The following ARHGDIG variants were observed in gnomAD, a reference collection of about 807,000 sequenced individuals.
ARHGDIG encodes Rho GDP dissociation inhibitor gamma.
A neutral mutation model predicts 20.2 loss-of-function variants in ARHGDIG; 14 were observed. That is an observed-to-expected ratio of 0.69 (90% CI 0.46 to 1.08). The LOEUF (loss-of-function observed/expected upper bound fraction) is 1.08. Ranked by LOEUF, ARHGDIG falls within the 50% of genes least tolerant of loss-of-function variation. ARHGDIG has a pLI of 0.00. For missense variants in ARHGDIG, 311 were observed against 301.8 expected (o/e 1.03, Z -0.23); for synonymous variants, 193 against 138.6 (o/e 1.39, Z -2.76).
chr16:281,391 G>A, intron 1 of ARHGDIG: 1 of 216,146 alleles, frequency 4.6e-6, no homozygotes, highest in Non-Finnish European at 9.2e-6. Context: ...TTTGGGGGCC[G>A]CCGAGGGCCG....
At position 282,277 on chromosome 16, in the gene ARHGDIG, A is replaced by G; in HGVS notation, c.338-20A>G. 6.2e-7 allele frequency: 1 copy of G among 1,613,102 alleles called. No individual in the cohort carries two copies. Among genetic ancestry groups the G allele is most frequent in the Non-Finnish European group, 8.5e-7 (1 of 1,179,870 alleles). The stretch of plus-strand genomic sequence containing the variant: ...CAGCCTGTAGGGGAGTTCCGACCCT[A>G]GCTGAGGTTTCCCCAATAGGGGACC... On this transcript the variant is annotated intron_variant, in intron 3 of 5. Coordinates refer to ENST00000219409, the MANE Select transcript of ARHGDIG (RefSeq NM_001176.4).
chr16:282,526 G>A lies in ARHGDIG; in HGVS notation c.474G>A (p.Leu158=), dbSNP rs1158892498. 1.2e-6 allele frequency: 2 copies of A among 1,600,140 alleles called. No individual in the cohort carries two copies. The highest frequency in any genetic ancestry group is 2.2e-5 in the South Asian group (2 of 89,754). ...TGCACCACACCTACCGCCGGGGCCT[G>A]CGCGGTGAGGGCAGCGGTGGGGGGA... ...KCLHHTYRRG[L]RVDKTVYMVG... The change falls in exon 5 of 6, where the codon CTG becomes CTA. Residue 158 remains leucine (L), a synonymous_variant. Coordinates refer to ENST00000219409, the MANE Select transcript of ARHGDIG (RefSeq NM_001176.4).
Position 282,388 on chromosome 16 carries a change from A to G in ARHGDIG, c.414+15A>G. 1.2e-6 allele frequency: 2 copies of G among 1,612,006 alleles called. No homozygotes were observed. The highest frequency in any genetic ancestry group is 8.5e-7 in the Non-Finnish European group (1 of 1,179,714). On this transcript the variant is annotated intron_variant, in intron 4 of 5. Coordinates refer to ENST00000219409, the MANE Select transcript of ARHGDIG (RefSeq NM_001176.4). ...TCTCCTTCAAGGTGAGAGCCGGGGC[A>G]ATGGGCGGAGGGGATGGGGGTGGGG... is the stretch of plus-strand genomic sequence containing the variant.
At chr16:282,143 A>G (rs777925710) in intron 3 of ARHGDIG, 35 bp downstream of exon 3, 1 of 1,611,952 alleles carries the variant, frequency 6.2e-7, no homozygotes, top group Non-Finnish European at 8.5e-7. Flanking sequence ...GAACACAGGT[A>G]GGGCCCTCCC....
chr16:282,558 C>CGGGGGGGGGGGAGGGGG, intron 5 of ARHGDIG, 28 bp downstream of exon 5: 1 of 1,310,078 alleles, frequency 7.6e-7, no homozygotes, highest in Admixed American at 2.5e-5. Flanking sequence ...GGGAACGGGG[C>CGGGGGGGGGGGAGGGGG]GGGGGGGGGA....
At chr16:282,567 G>GGGGGGA in intron 5 of ARHGDIG, 37 bp downstream of exon 5, 7 of 957,426 alleles carry the variant, frequency 7.3e-6, no homozygotes, top group Admixed American at 4.8e-5. Flanking sequence ...GCGGGGGGGG[G>GGGGGGA]AAGCGGGGGC....
Position 282,320 on chromosome 16 carries a change from C to T in ARHGDIG, c.361C>T (p.Gln121Ter). The change falls in exon 4 of 6, where the codon CAG becomes TAG. Residue 121 changes from glutamine to a stop codon, truncating the protein, a stop_gained. Transcript: ENST00000219409. LOFTEE classifies it high-confidence loss of function. ...AGGGGACCTGGCTGTTCTGAAGGACCAGGTGTTTGTCCTGAAGGAAGGTGT... is the reference window on the plus strand; with the variant it reads ...AGGGGACCTGGCTGTTCTGAAGGACTAGGTGTTTGTCCTGAAGGAAGGTGT... ...LTGDLAVLKD[Q>*]VFVLKEGVDY... The T allele has an allele frequency of 1.9e-6, 3 of 1,613,176 alleles. No individual in the cohort carries two copies. The highest frequency in any genetic ancestry group is 2.5e-6 in the Non-Finnish European group (3 of 1,179,930).
At position 281,727 on chromosome 16, in the gene ARHGDIG, C is replaced by T. The variant is rs774145624; in HGVS notation, c.74-19C>T. 1.5e-5 allele frequency: 23 copies of T among 1,554,182 alleles called. No individual in the cohort carries two copies. The South Asian group carries it at 2.0e-4, about 13-fold the overall frequency. ...AGGGTCCGCTAGTGGCTGCTGCTCA[C>T]GCCCCTCCCCACCCCCAGTCCTCCT... On this transcript the variant is annotated intron_variant, in intron 1 of 5. Coordinates refer to ENST00000219409, the MANE Select transcript of ARHGDIG (RefSeq NM_001176.4).
intron 1 of ARHGDIG, 52 bp from the exon 2 acceptor site, chr16:281,694 C>G (rs535922142): frequency 2.7e-6 from 4 of 1,501,366 alleles, no homozygotes; most frequent in East Asian, 4.9e-5. Context: ...GCCTGGTGCT[C>G]GAATGCCAGG....
In ARHGDIG at chr16:280,938, G is replaced by A. The variant is rs2052276603; in HGVS notation, c.73+185G>A. On this transcript the variant is annotated intron_variant, in intron 1 of 5. Transcript: ENST00000219409. The surrounding 1 kb of genome is among the most constrained non-coding windows in gnomAD (Gnocchi z 6.6). Reference sequence around the variant, plus strand: ...GCCCTGTGGGGAAGGGACCAGGTGCGGACGGGTCGGCTTGGGAAGCGGCGG... The same window carrying A: ...GCCCTGTGGGGAAGGGACCAGGTGCAGACGGGTCGGCTTGGGAAGCGGCGG... The A allele has an allele frequency of 1.1e-5, 3 of 276,294 alleles. No homozygotes were observed. Among genetic ancestry groups the A allele is most frequent in the African/African-American group, 2.3e-5 (1 of 43,884 alleles). 17.1% of individuals were successfully genotyped at this position (276,294 alleles called of 1,614,324 possible).
intron 1 of ARHGDIG, 109 bp from the exon 2 acceptor site, chr16:281,637 G>A: frequency 7.8e-7 from 1 of 1,283,446 alleles, no homozygotes. Context: ...GGCTTCCCTT[G>A]AGTCCCTTTG....
intron 3 of ARHGDIG, 85 bp from the exon 4 acceptor site, chr16:282,212 T>C: frequency 1.2e-6 from 2 of 1,605,072 alleles, no homozygotes; most frequent in Non-Finnish European, 1.7e-6. Context: ...GCACACCTCA[T>C]GGGTACCACA....
At chr16:282,183 G>T in intron 3 of ARHGDIG, 75 bp downstream of exon 3, 2 of 1,606,810 alleles carry the variant, frequency 1.2e-6, no homozygotes, top group Non-Finnish European at 1.7e-6. Context: ...TGAGTTCCGA[G>T]CCCTGGGCCA....
chr16:282,035 G>A lies in ARHGDIG; in HGVS notation c.264G>A (p.Leu88=). ...CCAGTTTCTCCTCAGACCCAAGCCTGCCCAATGTGCAGGTGACCAGGCTGA... is the reference window on the plus strand; with the variant it reads ...CCAGTTTCTCCTCAGACCCAAGCCTACCCAATGTGCAGGTGACCAGGCTGA... The part of the protein sequence containing the change: ...GPLPPAVDPS[L]PNVQVTRLTL... Residue 88 remains leucine, a synonymous_variant, in exon 3 of 6, where the codon CTG becomes CTA. Coordinates refer to ENST00000219409, the MANE Select transcript of ARHGDIG (RefSeq NM_001176.4). 1 of 1,612,574 alleles carries A rather than the reference G, an allele frequency of 6.2e-7. No homozygotes were observed. The highest frequency in any genetic ancestry group is 8.5e-7 in the Non-Finnish European group (1 of 1,179,908).
chr16:282,694 G>A lies in ARHGDIG; in HGVS notation c.558G>A (p.Ala186=), dbSNP rs761391370. 2.6e-5 allele frequency: 41 copies of A among 1,601,644 alleles called. No individual in the cohort carries two copies. The East Asian group carries it at 3.8e-4, about 15-fold the overall frequency. ...AGTTTGTGACTCCGGTGGAGGAAGC[G>A]CCGAGGGGTGCGCTGGTGCGGGGCC... ...EYEFVTPVEE[A]PRGALVRGPY... The change falls in exon 6 of 6, where the codon GCG becomes GCA. Residue 186 remains alanine (A), a synonymous_variant. Transcript: ENST00000219409.
rs2052273466 is a variant in ARHGDIG, at chr16:280,656, C to T, written c.-25C>T. 2.4e-6 allele frequency: 2 copies of T among 848,404 alleles called. No homozygotes were observed. Among genetic ancestry groups the T allele is most frequent in the Admixed American group, 6.0e-4 (1 of 1,676 alleles). 52.6% of individuals were successfully genotyped at this position (848,404 alleles called of 1,614,324 possible). On this transcript the variant is annotated 5_prime_UTR_variant, in exon 1 of 6. Coordinates refer to ENST00000219409, the MANE Select transcript of ARHGDIG (RefSeq NM_001176.4). This position sits in a 1 kb window ranked among gnomAD's most constrained non-coding sequence, Gnocchi z 6.6. ...GCGGGCGGCGGCTCCTCGGCGGCTC[C>T]GCGGCGCCCGGGCCGCGCGCCGCCA...
rs1197049666 is a variant in ARHGDIG at position 281,473 on chromosome 16, C to T, written c.74-273C>T. The T allele has an allele frequency of 3.2e-5, 14 of 432,436 alleles. No homozygotes were observed. In the East Asian group the frequency reaches 5.4e-4, roughly 17 times the overall value. The allele number at this position is 432,436 out of a possible 1,614,324, so 26.8% of individuals were successfully genotyped here. ...AGTCTTCGCTCCCCCGCCCTTTGGT[C>T]TCCGAGTCAGGGAGGGGGCCCTTGT... is the stretch of plus-strand genomic sequence containing the variant. On this transcript the variant is annotated intron_variant, in intron 1 of 5. Transcript: ENST00000219409.
intron 1 of ARHGDIG, chr16:281,495 T>A: frequency 2.1e-6 from 1 of 474,196 alleles, no homozygotes; most frequent in East Asian, 3.4e-5. Flanking sequence ...GAGGGGGCCC[T>A]TGTGGACATC....
chr16:281,971 TGAG>T, intron 2 of ARHGDIG, 46 bp downstream of exon 2: 1 of 1,472,728 alleles, frequency 6.8e-7, no homozygotes, highest in South Asian at 1.2e-5. Context: ...GGGGGGCTGG[TGAG>T]GAGCCTGGTG....
Sources: gnomAD v4.1 joint callset for allele counts on GRCh38, gnomAD v4.1.1 for gene constraint, Gnocchi (gnomAD v3.1) non-coding constraint, MANE v1.5 for transcripts, NCBI Gene and HGNC (gene_info 2026-07-23, HGNC 2026-07-21) for gene names.